NT5M: variants seen among roughly 807,000 people sequenced by gnomAD.
NT5M encodes 5'(3')-deoxyribonucleotidase, mitochondrial.
NT5M carries 22 observed loss-of-function variants against 22.2 expected under a neutral mutation model. The ratio of observed to expected loss-of-function variants is 0.99; its 90% CI spans 0.71 to 1.41. The LOEUF (loss-of-function observed/expected upper bound fraction) is 1.41. NT5M is among the 40% of genes most tolerant of loss of function. NT5M has a pLI of 0.00. For synonymous variants in NT5M, 167 were observed against 133.0 expected (o/e 1.26, Z -1.76); for missense variants, 322 against 314.8 (o/e 1.02, Z -0.17).
chr17:17,320,515 T>A (rs1414836926), intron 2 of NT5M, among the ~76,000 whole-genome samples: 1 of 152,170 alleles, frequency 6.6e-6, no homozygotes, highest in Non-Finnish European at 1.5e-5. Context: ...GTCTTTATCA[T>A]CTCTGTTTAT....
chr17:17,340,668 A>G (rs981081389), intron 3 of NT5M, among the ~76,000 whole-genome samples: 1 of 152,042 alleles, frequency 6.6e-6, no homozygotes, highest in Non-Finnish European at 1.5e-5. Context: ...CTGGGACTAC[A>G]GGTAGGTGCC....
intron 3 of NT5M, among the ~76,000 whole-genome samples, chr17:17,340,972 C>G (rs1437506004): frequency 6.6e-6 from 1 of 152,066 alleles, no homozygotes; most frequent in African/African-American, 2.4e-5. Flanking sequence ...AAACTTCCCT[C>G]TTAGTACTGC....
intron 2 of NT5M, among the ~76,000 whole-genome samples, chr17:17,319,727 G>A (rs1370963399): frequency 2.2e-5 from 2 of 90,704 alleles, no homozygotes; most frequent in Non-Finnish European, 5.7e-5. Context: ...AGGGAGGGAC[G>A]GGAGGGACAG....
intron 3 of NT5M, among the ~76,000 whole-genome samples, chr17:17,344,234 TC>T (rs1164030492): frequency 6.6e-6 from 1 of 152,192 alleles, no homozygotes; most frequent in Non-Finnish European, 1.5e-5. Flanking sequence ...AGCTTGCCTG[TC>T]CTGAAGAAAG....
intron 3 of NT5M, among the ~76,000 whole-genome samples, 184 bp from the exon 4 acceptor site, chr17:17,344,610 C>G (rs975334509): frequency 1.3e-5 from 2 of 152,178 alleles, no homozygotes; most frequent in South Asian, 4.1e-4. Flanking sequence ...TCCCTGAGTG[C>G]TGGCGTCCTG....
chr17:17,306,495 T>C (rs774959919), intron 1 of NT5M, 48 bp from the exon 2 acceptor site: 3 of 1,331,812 alleles, frequency 2.3e-6, no homozygotes, highest in Non-Finnish European at 3.2e-6. Context: ...ATGAGGGCAG[T>C]AAGGTGCTGA....
intron 3 of NT5M, among the ~76,000 whole-genome samples, chr17:17,328,319 CA>C (rs895684800): frequency 2.6e-5 from 4 of 152,108 alleles, no homozygotes; most frequent in Admixed American, 2.0e-4. Flanking sequence ...TTAGTTTATC[CA>C]AATCTCCCAG....
intron 3 of NT5M, among the ~76,000 whole-genome samples, chr17:17,326,107 A>G (rs184150123): frequency 1.3e-5 from 2 of 152,274 alleles, no homozygotes; most frequent in Admixed American, 1.3e-4. Flanking sequence ...AGAGTTATTA[A>G]ACACCGGCGA....
intron 3 of NT5M, among the ~76,000 whole-genome samples, chr17:17,325,050 C>A (rs563557044): frequency 4.0e-5 from 6 of 151,414 alleles, no homozygotes; most frequent in African/African-American, 1.4e-4. Flanking sequence ...TTCAGCCCCA[C>A]CCTACACCTT....
At chr17:17,346,594 G>A (rs1280244489) in intron 4 of NT5M, among the ~76,000 whole-genome samples, 1 of 152,222 alleles carries the variant, frequency 6.6e-6, no homozygotes, top group Non-Finnish European at 1.5e-5. Flanking sequence ...CCTGTTGACT[G>A]AGCACTGGCT....
At chr17:17,332,287 C>T (rs1220363602) in intron 3 of NT5M, among the ~76,000 whole-genome samples, 6 of 152,140 alleles carry the variant, frequency 3.9e-5, no homozygotes, top group Admixed American at 2.0e-4. Context: ...GTGAGCCACG[C>T]GGAGCAGGAA....
chr17:17,316,393 G>A (rs114530568), intron 2 of NT5M, among the ~76,000 whole-genome samples: 4,337 of 97,590 alleles, frequency 0.044, 183 homozygotes, highest in African/African-American at 0.12. Flanking sequence ...TTATTTATTC[G>A]AGACAGAGTT....
intron 3 of NT5M, among the ~76,000 whole-genome samples, chr17:17,333,321 T>G (rs1014140735): frequency 1.3e-5 from 2 of 152,180 alleles, no homozygotes; most frequent in African/African-American, 4.8e-5. Flanking sequence ...TTTTCTTTTT[T>G]GAGAGACAGA....
intron 3 of NT5M, among the ~76,000 whole-genome samples, chr17:17,326,527 G>A (rs1407524747): frequency 2.0e-5 from 3 of 152,250 alleles, no homozygotes; most frequent in East Asian, 1.9e-4. Context: ...AGGGAAGCCC[G>A]AGGAAGCAGG....
At chr17:17,305,810 G>A (rs1048914079) in intron 1 of NT5M, among the ~76,000 whole-genome samples, 3 of 152,092 alleles carry the variant, frequency 2.0e-5, no homozygotes, top group African/African-American at 7.2e-5. Flanking sequence ...GAAAGGCAGC[G>A]GGGGTTGGGG....
intron 2 of NT5M, among the ~76,000 whole-genome samples, chr17:17,320,773 G>A (rs964547531): frequency 9.2e-5 from 14 of 152,164 alleles, no homozygotes; most frequent in African/African-American, 3.1e-4. Flanking sequence ...CGGGGAGTCT[G>A]GGCTGGGTGG....
At chr17:17,344,284 C>G (rs1323241890) in intron 3 of NT5M, among the ~76,000 whole-genome samples, 1 of 152,216 alleles carries the variant, frequency 6.6e-6, no homozygotes, top group Non-Finnish European at 1.5e-5. Flanking sequence ...GTAGGCCTGT[C>G]CCAGGTGTTA....
In NT5M at chr17:17,314,223, C is replaced by T. The variant is rs545555330; in HGVS notation, c.368+7580C>T. On this transcript the variant is annotated intron_variant, in intron 2 of 4. Coordinates refer to ENST00000389022, the MANE Select transcript of NT5M (RefSeq NM_020201.4). ...TAATTTTTTGTATTTTTAGTAAAGACGGGGTTTCACCACGTTGGTCAGGCT... is the reference window on the plus strand; with the variant it reads ...TAATTTTTTGTATTTTTAGTAAAGATGGGGTTTCACCACGTTGGTCAGGCT... Among the ~76,000 whole-genome samples, 10 of 152,078 alleles carry T rather than the reference C, an allele frequency of 6.6e-5. No homozygotes were observed. The South Asian group carries it at 1.5e-3, about 22-fold the overall frequency.
chr17:17,322,164 A>G (rs2049164681), intron 2 of NT5M, among the ~76,000 whole-genome samples: 1 of 152,134 alleles, frequency 6.6e-6, no homozygotes. Context: ...AGTGAGGTGC[A>G]TAAGGGACAG....
Sources: allele counts gnomAD v4.1 joint callset (sites outside exome capture counted in the v4.1 genomes callset), GRCh38; gene constraint gnomAD v4.1.1; transcripts MANE v1.5; gene names NCBI Gene and HGNC (gene_info 2026-07-23, HGNC 2026-07-21).